TNFRSF13B: variants seen among roughly 807,000 people sequenced by gnomAD.
The protein encoded by TNFRSF13B is tumor necrosis factor receptor superfamily member 13B.
In TNFRSF13B, 34 loss-of-function variants were observed where a neutral mutation model predicts 24.0. The observed-to-expected ratio is 1.41, with a 90% confidence interval of 1.08 to 1.88. The LOEUF (loss-of-function observed/expected upper bound fraction) is 1.88. Ranked by LOEUF, TNFRSF13B falls within the 40% of genes most tolerant of loss-of-function variation. The pLI, the probability that TNFRSF13B is intolerant of heterozygous loss-of-function variation, is 0.00. For missense variants in TNFRSF13B, 415 were observed against 380.8 expected, an observed-to-expected ratio of 1.09 and a Z score of -0.75; for synonymous variants, 173 against 150.3, an observed-to-expected ratio of 1.15 and a Z score of -1.10.
At position 16,954,232 on chromosome 17, in the gene TNFRSF13B, A is replaced by G. The variant is rs201209667; in HGVS notation, c.62-1649T>C. Among the ~76,000 whole-genome samples, 38 of 152,286 alleles carry G rather than the reference A, an allele frequency of 2.5e-4. No homozygotes were observed. In the East Asian group the frequency reaches 4.2e-3, roughly 17 times the overall value. Reference sequence around the variant, plus strand: ...AAACATAGTGAGATCCTGTCTCTACAAAAGGATTTTTAAAATTAGCCACGT... The same window carrying G: ...AAACATAGTGAGATCCTGTCTCTACGAAAGGATTTTTAAAATTAGCCACGT... On this transcript the variant is annotated intron_variant, in intron 1 of 4. Transcript: ENST00000261652.
chr17:16,968,159 A>AAAAAAAG (rs2087718997), intron 1 of TNFRSF13B, among the ~76,000 whole-genome samples: 1 of 150,534 alleles, frequency 6.6e-6, no homozygotes, highest in African/African-American at 2.5e-5. Flanking sequence ...AAAAAAAAGA[A>AAAAAAAG]AAAAGAAAGG....
At chr17:16,962,531 A>AAAAAAAAG (rs1450837261) in intron 1 of TNFRSF13B, among the ~76,000 whole-genome samples, 4 of 152,172 alleles carry the variant, frequency 2.6e-5, no homozygotes, top group African/African-American at 9.7e-5. Context: ...AAGAAAGAAA[A>AAAAAAAAG]AAAAAAGAAA....
intron 2 of TNFRSF13B, 135 bp downstream of exon 2, chr17:16,952,311 G>A (rs1001591631): frequency 9.5e-6 from 12 of 1,262,636 alleles, no homozygotes; most frequent in African/African-American, 1.5e-5. Context: ...AAGGTGGAGG[G>A]GTAAGAGGTG....
At chr17:16,942,692 G>A (rs970928710) in intron 3 of TNFRSF13B, among the ~76,000 whole-genome samples, 2 of 152,240 alleles carry the variant, frequency 1.3e-5, no homozygotes, top group Non-Finnish European at 2.9e-5. Context: ...CCAGGCTACA[G>A]GTTGTTACTA....
At chr17:16,950,453 GT>G (rs2087581021) in intron 2 of TNFRSF13B, among the ~76,000 whole-genome samples, 2 of 152,224 alleles carry the variant, frequency 1.3e-5, no homozygotes, top group African/African-American at 4.8e-5. Flanking sequence ...CCGTTCTTGT[GT>G]CTTTGACAGA....
chr17:16,961,103 AGCG>A (rs1473845006), intron 1 of TNFRSF13B, among the ~76,000 whole-genome samples: 1 of 152,240 alleles, frequency 6.6e-6, no homozygotes, highest in Non-Finnish European at 1.5e-5. Flanking sequence ...GAAAATAAGC[AGCG>A]TTAGAGATCT....
chr17:16,946,170 A>T (rs1244250775), intron 3 of TNFRSF13B, among the ~76,000 whole-genome samples: 4 of 152,244 alleles, frequency 2.6e-5, no homozygotes, highest in Non-Finnish European at 5.9e-5. Context: ...AGCAGGGACA[A>T]CAGGGTGCTG....
Position 16,939,463 on chromosome 17 carries a change from A to G in TNFRSF13B, c.*84T>C. The G allele has an allele frequency of 1.4e-6, 2 of 1,416,428 alleles. No individual in the cohort carries two copies. Among genetic ancestry groups the G allele is most frequent in the Non-Finnish European group, 9.5e-7 (1 of 1,056,722 alleles). The allele number at this position is 1,416,428 out of a possible 1,614,324, so 87.7% of individuals were successfully genotyped here. A position where few individuals can be genotyped will look rare whatever the true frequency, so the allele number is the denominator to read the frequency against. On this transcript the variant is annotated 3_prime_UTR_variant, in exon 5 of 5. Coordinates refer to ENST00000261652, the MANE Select transcript of TNFRSF13B (RefSeq NM_012452.3). ...GCCTCCTCTGTCTCTCTCTCCTCAT[A>G]TCTCTCTCCCCTCTCCCCACCTCTC...
In TNFRSF13B at chr17:16,940,513, T is replaced by C. The variant is rs761787777; in HGVS notation, c.446-2A>G. 2 of 1,613,008 alleles carry C rather than the reference T, an allele frequency of 1.2e-6. No individual in the cohort carries two copies. The highest frequency in any genetic ancestry group is 1.7e-6 in the Non-Finnish European group (2 of 1,179,936). On this transcript the variant is annotated splice_acceptor_variant, in intron 3 of 4. Transcript: ENST00000261652. LOFTEE classifies it high-confidence loss of function. The stretch of plus-strand genomic sequence containing the variant: ...CACTCAGCTTCAGCCCCGGGAGAGC[T>C]GCAAGACAGCATGAGACCCCTCTCT...
intron 1 of TNFRSF13B, among the ~76,000 whole-genome samples, chr17:16,957,739 A>G (rs1019153045): frequency 6.6e-6 from 1 of 151,976 alleles, no homozygotes; most frequent in Non-Finnish European, 1.5e-5. Flanking sequence ...TCAACCAGGA[A>G]TTGTATATAA....
chr17:16,971,947 A>G lies in TNFRSF13B; in HGVS notation c.61+68T>C. On this transcript the variant is annotated intron_variant, in intron 1 of 4. Coordinates refer to ENST00000261652, the MANE Select transcript of TNFRSF13B (RefSeq NM_012452.3). ...GCACCTGCTGGACCTTGCAACCCCC[A>G]CGGCACTCAGGCCCAACCCTCCTCA... The G allele has an allele frequency of 2.6e-6, 4 of 1,549,146 alleles. 1 individual carries two copies. The Admixed American group carries it at 6.7e-5, about 26-fold the overall frequency.
intron 1 of TNFRSF13B, among the ~76,000 whole-genome samples, chr17:16,971,367 C>CAAAAAAA: frequency 9.5e-6 from 1 of 105,712 alleles, no homozygotes; most frequent in South Asian, 2.6e-4. Flanking sequence ...AAAACAAAAA[C>CAAAAAAA]AAAACAACAA....
chr17:16,957,150 T>C (rs540997298), intron 1 of TNFRSF13B, among the ~76,000 whole-genome samples: 2 of 150,100 alleles, frequency 1.3e-5, no homozygotes, highest in African/African-American at 4.9e-5. Context: ...AATTTTTCTG[T>C]GAGCCTAAAA....
chr17:16,949,520 G>A (rs2087573604), intron 2 of TNFRSF13B, among the ~76,000 whole-genome samples: 1 of 152,062 alleles, frequency 6.6e-6, no homozygotes, highest in Non-Finnish European at 1.5e-5. Context: ...TACTAGATGA[G>A]AATTACAGCA....
chr17:16,940,651 G>A (rs1169146553), intron 3 of TNFRSF13B, 140 bp from the exon 4 acceptor site: 1 of 1,509,212 alleles, frequency 6.6e-7, no homozygotes, highest in Non-Finnish European at 8.8e-7. Context: ...CTGACCCTGA[G>A]GCTGCTGGGA....
At chr17:16,952,018 T>C (rs1035656277) in intron 2 of TNFRSF13B, among the ~76,000 whole-genome samples, 9 of 152,232 alleles carry the variant, frequency 5.9e-5, no homozygotes, top group African/African-American at 2.2e-4. Context: ...GAGGGCGTCA[T>C]TGTGCTGTCC....
At chr17:16,948,501 T>C (rs1340030056) in intron 3 of TNFRSF13B, among the ~76,000 whole-genome samples, 1 of 152,212 alleles carries the variant, frequency 6.6e-6, no homozygotes, top group Admixed American at 6.5e-5. Context: ...CAGCCTCTAG[T>C]GCAAGGCTCT....
At chr17:16,961,106 G>A (rs11867751) in intron 1 of TNFRSF13B, among the ~76,000 whole-genome samples, 81,054 of 151,574 alleles carry the variant, frequency 0.53, 22,037 homozygotes, top group Non-Finnish European at 0.59. Flanking sequence ...AATAAGCAGC[G>A]TTAGAGATCT....
intron 4 of TNFRSF13B, 134 bp from the exon 5 acceptor site, chr17:16,939,931 G>A: frequency 7.8e-7 from 1 of 1,288,444 alleles, no homozygotes; most frequent in Non-Finnish European, 1.0e-6. Flanking sequence ...CCCCAGACAG[G>A]TGTCAGTGTC....
Sources: allele counts gnomAD v4.1 joint callset (sites outside exome capture counted in the v4.1 genomes callset), GRCh38; gene constraint gnomAD v4.1.1; transcripts MANE v1.5; gene names NCBI Gene and HGNC (gene_info 2026-07-23, HGNC 2026-07-21).